ZNF536: variants seen among roughly 807,000 people sequenced by gnomAD.
ZNF536 encodes zinc finger protein 536.
A neutral mutation model predicts 84.5 loss-of-function variants in ZNF536; 13 were observed. The ratio of observed to expected loss-of-function variants is 0.15; its 90% confidence interval spans 0.10 to 0.24. The LOEUF (loss-of-function observed/expected upper bound fraction) is 0.24. ZNF536 is among the 10% of genes least tolerant of loss of function. The pLI, the probability that ZNF536 is intolerant of heterozygous loss-of-function variation, is 1.00. For missense variants in ZNF536, 1,536 were observed against 1,747.5 expected, an observed-to-expected ratio of 0.88 and a Z score of 2.16; for synonymous variants, 811 against 742.5, an observed-to-expected ratio of 1.09 and a Z score of -1.50.
chr19:30,574,053 G>A (rs982034131), intron 1 of ZNF536, among the ~76,000 whole-genome samples: 1 of 152,196 alleles, frequency 6.6e-6, no homozygotes, highest in Non-Finnish European at 1.5e-5. Flanking sequence ...CCAGCTGGCT[G>A]TTATATTGTT....
rs904219010 is a variant in ZNF536, at chr19:30,321,557, TA to T, written c.-119-30804del. Among the ~76,000 whole-genome samples the T allele has an allele frequency of 3.9e-4, 59 of 152,020 alleles. 1 individual carries two copies. Among genetic ancestry groups the T allele is most frequent in the African/African-American group, 1.4e-3 (57 of 41,476 alleles). On this transcript the variant is annotated intron_variant, in intron 2 of 5. Coordinates refer to the ZNF536 transcript ENST00000585628. ...TGGATGACAGAGCGAGACTCTGTCT[TA>T]AAAAAATAAATAAATAAAATGATAA...
At chr19:30,324,524 AG>A (rs1419597989) in intron 2 of ZNF536, among the ~76,000 whole-genome samples, 2 of 152,202 alleles carry the variant, frequency 1.3e-5, no homozygotes, top group African/African-American at 4.8e-5. Flanking sequence ...CTGAGACCAC[AG>A]GCACATGCCG....
intron 1 of ZNF536, among the ~76,000 whole-genome samples, chr19:30,410,620 G>A (rs1223670566): frequency 3.9e-5 from 6 of 151,944 alleles, no homozygotes; most frequent in Admixed American, 1.3e-4. Flanking sequence ...GACTACAGGC[G>A]CCCGCCACCA....
intron 1 of ZNF536, among the ~76,000 whole-genome samples, chr19:30,649,191 G>T (rs1877813487): frequency 6.6e-6 from 1 of 152,224 alleles, no homozygotes; most frequent in Non-Finnish European, 1.5e-5. Context: ...TGAGCAAAAA[G>T]TGAGAGTCAC....
chr19:30,241,134 A>G (rs1238699547), intron 1 of ZNF536, among the ~76,000 whole-genome samples: 1 of 152,058 alleles, frequency 6.6e-6, no homozygotes, highest in Non-Finnish European at 1.5e-5. Context: ...CCTGGGCAGC[A>G]TAGTGAGACC....
intron 2 of ZNF536, among the ~76,000 whole-genome samples, chr19:30,287,325 G>T (rs1310702013): frequency 6.6e-6 from 1 of 151,628 alleles, no homozygotes; most frequent in African/African-American, 2.4e-5. Flanking sequence ...ATGAGTGGAT[G>T]GGTGGGTGGG....
At chr19:30,333,617 G>A (rs544747497) in intron 2 of ZNF536, among the ~76,000 whole-genome samples, 13 of 152,256 alleles carry the variant, frequency 8.5e-5, no homozygotes, top group African/African-American at 2.9e-4. Flanking sequence ...CAGTGTCCCA[G>A]TGTCTACCTT....
chr19:30,484,231 T>C, intron 2 of ZNF536, among the ~76,000 whole-genome samples: 1 of 149,118 alleles, frequency 6.7e-6, no homozygotes, highest in Non-Finnish European at 1.5e-5. Flanking sequence ...TTTTGATTTT[T>C]TTTTTTTTTT....
intron 2 of ZNF536, among the ~76,000 whole-genome samples, chr19:30,348,823 T>C (rs1236232519): frequency 6.6e-6 from 1 of 150,668 alleles, no homozygotes; most frequent in African/African-American, 2.4e-5. Context: ...TCTTTTTTTT[T>C]TTTTATTTTC....
intron 1 of ZNF536, among the ~76,000 whole-genome samples, chr19:30,248,448 T>A (rs2024419805): frequency 6.6e-6 from 1 of 150,606 alleles, no homozygotes; most frequent in Non-Finnish European, 1.5e-5. Flanking sequence ...TTCACTGTGT[T>A]GGCCAGGCTC....
intron 2 of ZNF536, among the ~76,000 whole-genome samples, chr19:30,510,980 C>G (rs2055389907): frequency 2.6e-5 from 4 of 152,184 alleles, no homozygotes; most frequent in Admixed American, 2.6e-4. Context: ...CCCATTTGGC[C>G]TCCTCAGAGG....
chr19:30,493,753 C>T (rs1414101920), intron 2 of ZNF536, among the ~76,000 whole-genome samples: 1 of 152,146 alleles, frequency 6.6e-6, no homozygotes, highest in East Asian at 1.9e-4. Context: ...TCACGTTCCA[C>T]TTAGGGGCTG....
rs761619375 is a variant in ZNF536 at position 30,444,957 on chromosome 19, G to A, written c.1395G>A (p.Ala465=). 1.2e-6 allele frequency: 2 copies of A among 1,611,612 alleles called. No individual in the cohort carries two copies. The highest frequency in any genetic ancestry group is 1.1e-5 in the South Asian group (1 of 90,812). The change falls in exon 2 of 5, where the codon GCG becomes GCA. Residue 465 remains alanine, a synonymous_variant. Transcript: ENST00000355537. The stretch of plus-strand genomic sequence containing the variant: ...AGCTGCCCATGAAGGAGAAGGAAGC[G>A]CTGGGGAAGCTGCTGTCTCCCATCT... The part of the protein sequence containing the change: ...KGELPMKEKE[A]LGKLLSPISS...
intron 1 of ZNF536, among the ~76,000 whole-genome samples, chr19:30,238,713 C>G (rs1385650213): frequency 6.6e-6 from 1 of 151,808 alleles, no homozygotes; most frequent in East Asian, 1.9e-4. Context: ...TAAAGTGTAT[C>G]CTAGGTAGGA....
intron 1 of ZNF536, among the ~76,000 whole-genome samples, chr19:30,403,811 A>G (rs12610794): frequency 0.35 from 52,905 of 151,868 alleles, 9,599 homozygotes; most frequent in East Asian, 0.51. Flanking sequence ...GCTCTTGACA[A>G]CGGTGTCTGC....
intron 1 of ZNF536, among the ~76,000 whole-genome samples, chr19:30,231,429 C>A (rs1028534886): frequency 6.6e-6 from 1 of 152,222 alleles, no homozygotes; most frequent in African/African-American, 2.4e-5. Flanking sequence ...AGTGGAGGGG[C>A]TTCCTCTGAA....
chr19:30,539,377 T>G (rs1015539074), intron 3 of ZNF536, among the ~76,000 whole-genome samples: 1 of 152,144 alleles, frequency 6.6e-6, no homozygotes, highest in African/African-American at 2.4e-5. Context: ...TTGGACAAGG[T>G]GCACCCACAT....
chr19:30,426,203 A>T (rs1276137971), intron 1 of ZNF536, among the ~76,000 whole-genome samples: 1 of 152,098 alleles, frequency 6.6e-6, no homozygotes, highest in East Asian at 1.9e-4. Context: ...GCTATTAAAA[A>T]CCTGCTACTG....
chr19:30,662,639 T>G (rs900214239), intron 1 of ZNF536, among the ~76,000 whole-genome samples: 1 of 152,152 alleles, frequency 6.6e-6, no homozygotes, highest in African/African-American at 2.4e-5. Flanking sequence ...AGTAGTAGTT[T>G]TTCTCTCTTA....
Sources: gnomAD v4.1 joint callset for allele counts (sites outside exome capture counted in the v4.1 genomes callset) on GRCh38, gnomAD v4.1.1 for gene constraint, MANE v1.5 for transcripts, NCBI Gene and HGNC (gene_info 2026-07-23, HGNC 2026-07-21) for gene names.